The following ROBO2 variants were observed in gnomAD, a reference collection of about 807,000 sequenced individuals.
ROBO2 encodes roundabout guidance receptor 2.
A neutral mutation model predicts 160.8 loss-of-function variants in ROBO2; 53 were observed. The ratio of observed to expected loss-of-function variants is 0.33; its 90% CI spans 0.26 to 0.41. ROBO2 has a LOEUF of 0.41. Ranked by LOEUF, ROBO2 falls within the 10% of genes least tolerant of loss-of-function variation. The probability of loss-of-function intolerance (pLI) is 1.00; values close to 1 mark genes in which losing one functional copy is unlikely to be tolerated. For missense variants in ROBO2, 1,577 were observed against 1,722.4 expected, an observed-to-expected ratio of 0.92 and a Z score of 1.49; for synonymous variants, 664 against 611.7, an observed-to-expected ratio of 1.09 and a Z score of -1.26.
intron 2 of ROBO2, among the ~76,000 whole-genome samples, chr3:76,725,602 G>T (rs1285394730): frequency 6.6e-6 from 1 of 152,130 alleles, no homozygotes; most frequent in Admixed American, 6.6e-5. Flanking sequence ...ACATGTTCCT[G>T]AAACTCAGCA....
intron 2 of ROBO2, among the ~76,000 whole-genome samples, chr3:76,659,075 G>C (rs2110026150): frequency 6.6e-6 from 1 of 152,116 alleles, no homozygotes; most frequent in South Asian, 2.1e-4. Context: ...TGGACATACT[G>C]ATGTTTCAGC....
chr3:76,217,289 C>T (rs62267427), intron 2 of ROBO2, among the ~76,000 whole-genome samples: 49,921 of 151,908 alleles, frequency 0.33, 9,135 homozygotes, highest in Non-Finnish European at 0.41. Flanking sequence ...CAAAAGCTAG[C>T]AGAAGGCAAG....
At chr3:77,295,526 A>ACGGG (rs2061969821) in intron 2 of ROBO2, among the ~76,000 whole-genome samples, 1 of 149,528 alleles carries the variant, frequency 6.7e-6, no homozygotes, top group Non-Finnish European at 1.5e-5. Flanking sequence ...TGACGGTTAA[A>ACGGG]TGGGTAAGCT....
chr3:77,384,467 G>A (rs1444481125), intron 2 of ROBO2, among the ~76,000 whole-genome samples: 3 of 151,978 alleles, frequency 2.0e-5, no homozygotes, highest in Non-Finnish European at 4.4e-5. Flanking sequence ...CCTGATACTC[G>A]ATAAACCAGT....
chr3:77,458,977 G>T (rs1422377975), intron 2 of ROBO2, among the ~76,000 whole-genome samples: 1 of 152,076 alleles, frequency 6.6e-6, no homozygotes, highest in Non-Finnish European at 1.5e-5. Context: ...CCACCTCACA[G>T]GGTCATTGTG....
chr3:77,265,932 A>T (rs1246994555), intron 2 of ROBO2, among the ~76,000 whole-genome samples: 1 of 152,208 alleles, frequency 6.6e-6, no homozygotes, highest in Non-Finnish European at 1.5e-5. Flanking sequence ...CCTGTTTAAT[A>T]CATACCAACC....
chr3:76,406,914 G>C (rs897642872), intron 2 of ROBO2, among the ~76,000 whole-genome samples: 4 of 150,578 alleles, frequency 2.7e-5, no homozygotes, highest in African/African-American at 9.8e-5. Context: ...TCATCCAATG[G>C]ATTTTCATTA....
rs2067035832 is a variant in ROBO2, at chr3:76,034,529, G to C, written c.109+96927G>C. 1.3e-5 allele frequency among the ~76,000 whole-genome samples: 2 copies of C among 152,182 alleles called. 1 individual carries two copies. Among genetic ancestry groups the C allele is most frequent in the South Asian group, 4.1e-4 (2 of 4,830 alleles). On this transcript the variant is annotated intron_variant, in intron 2 of 26. Coordinates refer to the ROBO2 transcript ENST00000487694. ...AAGTTGAAAGTATGTTGTTTCATTA[G>C]GGAACAATGTGAAATAATTAATAAC...
chr3:76,687,055 A>G (rs1414909872), intron 2 of ROBO2, among the ~76,000 whole-genome samples: 2 of 151,948 alleles, frequency 1.3e-5, no homozygotes, highest in Non-Finnish European at 2.9e-5. Context: ...TCATATATCT[A>G]TTATTTATCA....
intron 2 of ROBO2, among the ~76,000 whole-genome samples, chr3:77,206,290 C>G (rs1314956706): frequency 6.6e-6 from 1 of 152,124 alleles, no homozygotes; most frequent in African/African-American, 2.4e-5. Context: ...CTGCCTCAGC[C>G]TCCCAACTAG....
chr3:76,109,728 C>T (rs559116219), intron 2 of ROBO2, among the ~76,000 whole-genome samples: 49 of 151,782 alleles, frequency 3.2e-4, no homozygotes, highest in South Asian at 1.7e-3. Flanking sequence ...GGCTATATTG[C>T]GAAGTGGTGA....
intron 2 of ROBO2, among the ~76,000 whole-genome samples, chr3:77,141,583 T>C (rs1314229397): frequency 1.3e-5 from 2 of 152,202 alleles, no homozygotes; most frequent in African/African-American, 4.8e-5. Context: ...TGATGTGCAA[T>C]TTCTGGATTT....
chr3:76,990,256 A>G (rs2060594208), intron 2 of ROBO2, among the ~76,000 whole-genome samples: 1 of 152,176 alleles, frequency 6.6e-6, no homozygotes, highest in Admixed American at 6.6e-5. Context: ...TCTTTCTTCA[A>G]CTTAACCAGA....
chr3:76,184,595 A>AGATAGAT (rs1701658880), intron 2 of ROBO2, among the ~76,000 whole-genome samples: 1 of 124,362 alleles, frequency 8.0e-6, no homozygotes, highest in African/African-American at 2.9e-5. Context: ...ATAGATAGAT[A>AGATAGAT]AGAGGGGATT....
At chr3:76,983,193 G>A (rs535523087) in intron 2 of ROBO2, among the ~76,000 whole-genome samples, 5 of 152,228 alleles carry the variant, frequency 3.3e-5, no homozygotes, top group African/African-American at 1.2e-4. Context: ...GCTGAGGCAG[G>A]AGAACTGCTT....
At chr3:77,350,498 C>T (rs1013937241) in intron 2 of ROBO2, among the ~76,000 whole-genome samples, 8 of 152,162 alleles carry the variant, frequency 5.3e-5, no homozygotes, top group African/African-American at 1.9e-4. Context: ...AAATCAACCA[C>T]TCCAGAACTT....
rs2093426159 is a variant in ROBO2, at chr3:77,564,596, T to C, written c.1683-358T>C. The C allele has an allele frequency of 7.4e-6, 3 of 404,110 alleles. No homozygotes were observed. The Admixed American group carries it at 1.0e-4, about 14-fold the overall frequency. 25.0% of individuals were successfully genotyped at this position (404,110 alleles called of 1,614,324 possible). On this transcript the variant is annotated intron_variant, in intron 11 of 25. Transcript: ENST00000461745. ...AGGTTAATTCTTTTCAAGGTATATATATATATACATTTACGAGGACCATAC... is the reference window on the plus strand; with the variant it reads ...AGGTTAATTCTTTTCAAGGTATATACATATATACATTTACGAGGACCATAC...
intron 2 of ROBO2, among the ~76,000 whole-genome samples, chr3:77,167,366 A>G (rs1177209851): frequency 1.3e-5 from 2 of 152,196 alleles, no homozygotes; most frequent in Non-Finnish European, 2.9e-5. Context: ...AATATAGTAT[A>G]AAAAGTCTTT....
At chr3:77,287,996 G>C (rs936545647) in intron 2 of ROBO2, among the ~76,000 whole-genome samples, 1 of 152,100 alleles carries the variant, frequency 6.6e-6, no homozygotes, top group Non-Finnish European at 1.5e-5. Context: ...CCCTAGATTT[G>C]ATTAAAAGTA....
Sources: allele counts gnomAD v4.1 joint callset (sites outside exome capture counted in the v4.1 genomes callset), GRCh38; gene constraint gnomAD v4.1.1; transcripts MANE v1.5; gene names NCBI Gene and HGNC (gene_info 2026-07-23, HGNC 2026-07-21).